The following MAPKAP1 variants were observed in gnomAD, a reference collection of about 807,000 sequenced individuals.
MAPKAP1 encodes target of rapamycin complex 2 subunit MAPKAP1.
MAPKAP1 carries 20 observed loss-of-function variants against 65.7 expected under a neutral mutation model. The observed-to-expected ratio is 0.30, with a 90% CI of 0.21 to 0.44. The LOEUF is 0.44. MAPKAP1 is among the 20% of genes least tolerant of loss of function. The probability of loss-of-function intolerance (pLI) is 1.00; values close to 1 mark genes in which losing one functional copy is unlikely to be tolerated. For synonymous variants in MAPKAP1, 222 were observed against 244.3 expected (o/e 0.91, Z 0.85); for missense variants, 423 against 648.0 (o/e 0.65, Z 3.77).
At chr9:125,533,755 A>C (rs1829999427) in intron 7 of MAPKAP1, among the ~76,000 whole-genome samples, 1 of 152,190 alleles carries the variant, frequency 6.6e-6, no homozygotes, top group African/African-American at 2.4e-5. Flanking sequence ...GGCCAGGCAT[A>C]AACTTTTTGA....
chr9:125,491,605 C>T (rs1689263818), intron 8 of MAPKAP1, among the ~76,000 whole-genome samples: 1 of 151,470 alleles, frequency 6.6e-6, no homozygotes, highest in Non-Finnish European at 1.5e-5. Flanking sequence ...GGCAAAACCC[C>T]ATCTCTACAA....
intron 8 of MAPKAP1, among the ~76,000 whole-genome samples, chr9:125,492,311 G>A (rs1349236291): frequency 3.9e-5 from 6 of 152,192 alleles, no homozygotes; most frequent in Non-Finnish European, 5.9e-5. Context: ...TGACTTTATT[G>A]GTTATAATGC....
intron 4 of MAPKAP1, among the ~76,000 whole-genome samples, chr9:125,651,960 A>G (rs1490707648): frequency 1.3e-5 from 2 of 152,220 alleles, no homozygotes; most frequent in African/African-American, 4.8e-5. Flanking sequence ...AGCCCAGGCT[A>G]CATTTTTTTT....
At chr9:125,610,342 T>C (rs1665497286) in intron 4 of MAPKAP1, among the ~76,000 whole-genome samples, 1 of 152,184 alleles carries the variant, frequency 6.6e-6, no homozygotes, top group Admixed American at 6.5e-5. Flanking sequence ...TTATGAAATA[T>C]AAAAAGAGCT....
At chr9:125,601,448 G>A (rs1275182646) in intron 4 of MAPKAP1, among the ~76,000 whole-genome samples, 2 of 152,072 alleles carry the variant, frequency 1.3e-5, no homozygotes, top group Non-Finnish European at 2.9e-5. Flanking sequence ...TCTATACAGT[G>A]GTAGGTTCGT....
chr9:125,463,791 C>T (rs1210209700), intron 10 of MAPKAP1, among the ~76,000 whole-genome samples: 2 of 152,156 alleles, frequency 1.3e-5, no homozygotes, highest in African/African-American at 2.4e-5. Flanking sequence ...TTTATATGAT[C>T]TATGCTTAAT....
chr9:125,614,088 A>G (rs1271126788), intron 4 of MAPKAP1, among the ~76,000 whole-genome samples: 1 of 151,956 alleles, frequency 6.6e-6, no homozygotes, highest in Non-Finnish European at 1.5e-5. Flanking sequence ...GTGAGCCACC[A>G]GGCCCGGCCA....
intron 6 of MAPKAP1, among the ~76,000 whole-genome samples, chr9:125,557,919 C>T (rs185678304): frequency 3.3e-5 from 5 of 152,252 alleles, no homozygotes; most frequent in African/African-American, 4.8e-5. Context: ...TGCAATGGCG[C>T]GATCTCAGCT....
At chr9:125,649,077 C>T (rs1054833503) in intron 4 of MAPKAP1, among the ~76,000 whole-genome samples, 1 of 152,202 alleles carries the variant, frequency 6.6e-6, no homozygotes, top group Non-Finnish European at 1.5e-5. Context: ...ATCATGGCCT[C>T]ATTCTTCGAG....
intron 6 of MAPKAP1, among the ~76,000 whole-genome samples, chr9:125,545,460 T>C (rs748769518): frequency 6.6e-6 from 1 of 152,188 alleles, no homozygotes; most frequent in African/African-American, 2.4e-5. Context: ...TGTTGGGCGA[T>C]GGATGAGTAG....
Position 125,479,346 on chromosome 9 carries a change from G to A in MAPKAP1, c.1207+5097C>T, listed in dbSNP as rs565862786. Among the ~76,000 whole-genome samples, 428 of 152,254 alleles carry A rather than the reference G, an allele frequency of 2.8e-3. 1 individual carries two copies. The highest frequency in any genetic ancestry group is 4.7e-3 in the African/African-American group (197 of 41,530). ...TGTAATCCCAGCACTTTGGGAGGCCGAGGTGGGTGGGTCACCTGAGGTCAA... is the reference window on the plus strand; with the variant it reads ...TGTAATCCCAGCACTTTGGGAGGCCAAGGTGGGTGGGTCACCTGAGGTCAA... On this transcript the variant is annotated intron_variant, in intron 9 of 11. Coordinates refer to ENST00000265960, the MANE Select transcript of MAPKAP1 (RefSeq NM_001006617.3).
At chr9:125,458,373 G>C (rs982835320) in intron 10 of MAPKAP1, among the ~76,000 whole-genome samples, 1 of 152,082 alleles carries the variant, frequency 6.6e-6, no homozygotes, top group African/African-American at 2.4e-5. Flanking sequence ...GCCCTCTGCA[G>C]TGTTTGTGTC....
chr9:125,706,874 G>A, intron 1 of MAPKAP1, 97 bp downstream of exon 1: 1 of 370,888 alleles, frequency 2.7e-6, no homozygotes. Flanking sequence ...GCGGCCCGCC[G>A]GGCAGCGCTG....
chr9:125,458,757 T>C (rs192332999), intron 10 of MAPKAP1, among the ~76,000 whole-genome samples: 261 of 147,144 alleles, frequency 1.8e-3, no homozygotes, highest in African/African-American at 5.1e-3. Flanking sequence ...GTGTGGTGGC[T>C]GGGCAGAGGG....
intron 4 of MAPKAP1, among the ~76,000 whole-genome samples, chr9:125,637,262 C>A (rs1296949313): frequency 1.3e-5 from 2 of 151,848 alleles, no homozygotes; most frequent in Non-Finnish European, 2.9e-5. Context: ...GAGCAAGACT[C>A]TGTCTCAAAA....
intron 4 of MAPKAP1, among the ~76,000 whole-genome samples, chr9:125,593,671 G>GA (rs11336055): frequency 2.0e-5 from 3 of 151,076 alleles, no homozygotes; most frequent in African/African-American, 4.9e-5. Context: ...AAAAGAAAAA[G>GA]AAAAAAAAAG....
At chr9:125,649,267 T>C (rs557766408) in intron 4 of MAPKAP1, among the ~76,000 whole-genome samples, 1 of 152,300 alleles carries the variant, frequency 6.6e-6, no homozygotes, top group African/African-American at 2.4e-5. Context: ...TGGTAATTAG[T>C]CAGGTAGTGA....
chr9:125,472,105 T>C (rs1027280946), intron 9 of MAPKAP1, among the ~76,000 whole-genome samples: 1 of 152,248 alleles, frequency 6.6e-6, no homozygotes, highest in Non-Finnish European at 1.5e-5. Flanking sequence ...AGCTGCAATT[T>C]GAACTCAGGA....
chr9:125,566,712 C>T (rs1427364644), intron 5 of MAPKAP1, among the ~76,000 whole-genome samples: 4 of 152,222 alleles, frequency 2.6e-5, no homozygotes, highest in Non-Finnish European at 5.9e-5. Context: ...TATCCCATTT[C>T]GACCTTGCCA....
Sources: allele counts gnomAD v4.1 joint callset (sites outside exome capture counted in the v4.1 genomes callset), GRCh38; gene constraint gnomAD v4.1.1; transcripts MANE v1.5; gene names NCBI Gene and HGNC (gene_info 2026-07-23, HGNC 2026-07-21).